Variants in ABCB10 observed in about 807,000 individuals in gnomAD.
The protein encoded by ABCB10 is ATP binding cassette subfamily B member 10.
In ABCB10, 54 loss-of-function variants were observed where a neutral mutation model predicts 65.4. That is an observed-to-expected ratio of 0.83 (90% CI 0.66 to 1.04). ABCB10 has a LOEUF of 1.04. Ranked by LOEUF, ABCB10 falls within the 50% of genes least tolerant of loss-of-function variation. ABCB10 has a pLI of 0.00. For synonymous variants in ABCB10, 418 were observed against 406.5 expected, an observed-to-expected ratio of 1.03 and a Z score of -0.34; for missense variants, 846 against 976.6, an observed-to-expected ratio of 0.87 and a Z score of 1.78.
intron 7 of ABCB10, 78 bp from the exon 8 acceptor site, chr1:229,530,486 C>CCATAGCCAGA: frequency 2.0e-6 from 3 of 1,484,914 alleles, no homozygotes; most frequent in Non-Finnish European, 2.8e-6. Flanking sequence ...TCCTACTCAT[C>CCATAGCCAGA]TGGCTATGGA....
chr1:229,547,459 C>A (rs1254805105), intron 3 of ABCB10, 40 bp downstream of exon 3: 2 of 1,607,750 alleles, frequency 1.2e-6, no homozygotes, highest in East Asian at 2.2e-5. Flanking sequence ...GCAAGCCAAG[C>A]CCTGGCAGGA....
intron 6 of ABCB10, among the ~76,000 whole-genome samples, chr1:229,535,588 C>A (rs1662701081): frequency 6.6e-6 from 1 of 152,168 alleles, no homozygotes; most frequent in African/African-American, 2.4e-5. Flanking sequence ...ATCTTTGAGG[C>A]AGTAAAACTA....
At position 229,531,700 on chromosome 1, in the gene ABCB10, T is replaced by C. The variant is rs1235113906; in HGVS notation, c.1371A>G (p.Lys457=). 14 of 1,613,796 alleles carry C rather than the reference T, an allele frequency of 8.7e-6. No individual in the cohort carries two copies. The highest frequency in any genetic ancestry group is 1.2e-5 in the Non-Finnish European group (14 of 1,179,844). The change falls in exon 7 of 13, where the codon AAA becomes AAG. Residue 457 remains lysine (K), a synonymous_variant. Transcript: ENST00000344517. ...GLSSFYSELM[K]GLGAGGRLWE... ...AGAGGCGCCCCCCTGCACCCAGTCC[T>C]TTCATCAGCTCCGAGTAGAAAGAGC...
intron 9 of ABCB10, among the ~76,000 whole-genome samples, chr1:229,526,428 TC>T (rs1338770690): frequency 6.6e-6 from 1 of 152,230 alleles, no homozygotes; most frequent in African/African-American, 2.4e-5. Context: ...TCCATCTCCA[TC>T]CATTACTTTT....
intron 1 of ABCB10, among the ~76,000 whole-genome samples, chr1:229,553,213 C>T (rs896628972): frequency 3.3e-5 from 5 of 152,056 alleles, no homozygotes; most frequent in African/African-American, 1.2e-4. Flanking sequence ...CAGGTTCAAG[C>T]GATTCTCCCG....
chr1:229,542,891 G>A (rs1387759921), intron 3 of ABCB10, among the ~76,000 whole-genome samples: 1 of 152,080 alleles, frequency 6.6e-6, no homozygotes, highest in African/African-American at 2.4e-5. Context: ...AGTACTTTGG[G>A]AGGCCGAGGC....
At chr1:229,534,158 T>C (rs567798893) in intron 6 of ABCB10, among the ~76,000 whole-genome samples, 1 of 152,114 alleles carries the variant, frequency 6.6e-6, no homozygotes, top group South Asian at 2.1e-4. Context: ...AGAGAGCAAA[T>C]AAGCATATGA....
At chr1:229,538,165 G>A (rs982714074) in intron 6 of ABCB10, among the ~76,000 whole-genome samples, 8 of 152,190 alleles carry the variant, frequency 5.3e-5, no homozygotes, top group African/African-American at 1.7e-4. Context: ...GATTAGAACT[G>A]TGTTTTCCAA....
intron 1 of ABCB10, among the ~76,000 whole-genome samples, chr1:229,556,820 G>C (rs562639360): frequency 6.6e-6 from 1 of 152,190 alleles, no homozygotes; most frequent in Non-Finnish European, 1.5e-5. Flanking sequence ...CTGGTGGTAT[G>C]GTCATTTATT....
chr1:229,537,798 TAAACAAAC>T (rs199948647), intron 6 of ABCB10, among the ~76,000 whole-genome samples: 28 of 150,828 alleles, frequency 1.9e-4, no homozygotes, highest in South Asian at 4.1e-4. Flanking sequence ...TCCAAATAAA[TAAACAAAC>T]AAACAAACAA....
At chr1:229,549,514 C>A (rs1663055988) in intron 1 of ABCB10, 80 bp from the exon 2 acceptor site, 1 of 1,345,106 alleles carries the variant, frequency 7.4e-7, no homozygotes, top group East Asian at 2.5e-5. Context: ...GCTTCCTTGC[C>A]AAATAAGCTG....
At chr1:229,536,113 C>T (rs1055260946) in intron 6 of ABCB10, among the ~76,000 whole-genome samples, 4 of 152,034 alleles carry the variant, frequency 2.6e-5, no homozygotes, top group Non-Finnish European at 5.9e-5. Context: ...GGTATACACC[C>T]CTATCTCCAC....
chr1:229,548,201 G>A (rs1249750670), intron 2 of ABCB10, among the ~76,000 whole-genome samples: 1 of 151,896 alleles, frequency 6.6e-6, no homozygotes, highest in Non-Finnish European at 1.5e-5. Context: ...ACGGAGTCTT[G>A]CTATGTAGCT....
intron 6 of ABCB10, among the ~76,000 whole-genome samples, chr1:229,535,548 G>C (rs903364680): frequency 2.0e-5 from 3 of 152,218 alleles, no homozygotes; most frequent in African/African-American, 7.2e-5. Context: ...GTAGGTTGCA[G>C]AAGGGTGATG....
chr1:229,550,130 T>C (rs1202153744), intron 1 of ABCB10: 1 of 152,292 alleles, frequency 6.6e-6, no homozygotes, highest in African/African-American at 2.4e-5. Context: ...TTCTTAATAT[T>C]GTATTATTGC....
chr1:229,531,767 TCACTGG>T (rs752330704), intron 6 of ABCB10, 36 bp from the exon 7 acceptor site: 10 of 1,558,224 alleles, frequency 6.4e-6, no homozygotes, highest in Admixed American at 5.0e-5. Context: ...CACATGTCCA[TCACTGG>T]CACTGGCACT....
intron 3 of ABCB10, among the ~76,000 whole-genome samples, chr1:229,543,127 T>C (rs7552320): frequency 1.8e-3 from 204 of 111,738 alleles, no homozygotes; most frequent in African/African-American, 6.0e-3. Context: ...CAAAACTCCA[T>C]CTCAAAAAAA....
At position 229,558,423 on chromosome 1, in the gene ABCB10, G is replaced by A. The variant is rs1461300862; in HGVS notation, c.230C>T (p.Pro77Leu). ...GCCCAGGACGCCCCGCGAGGCGCCC[G>A]GACCCCCGCCCCGGCAGCCGCTCCT... The part of the protein sequence containing the change: ...RWRSGCRGGG[P>L]GASRGVLGLA... The change falls in exon 1 of 13, where the codon CCG becomes CTG. Residue 77 changes from proline (P) to leucine (L), a missense_variant. Pro to Leu is a moderately conservative substitution (Grantham distance 98). Around this residue, in one of 2 missense-constraint regions of ABCB10, gnomAD observed 214 missense variants for 173.5 expected, o/e 1.23. Transcript: ENST00000344517. The A allele has an allele frequency of 1.7e-6, 2 of 1,205,390 alleles. No homozygotes were observed. Among genetic ancestry groups the A allele is most frequent in the Non-Finnish European group, 2.1e-6 (2 of 973,802 alleles). The allele number at this position is 1,205,390 out of a possible 1,614,324, so 74.7% of individuals were successfully genotyped here. A position where few individuals can be genotyped will look rare whatever the true frequency, so the allele number is the denominator to read the frequency against.
rs1220752342 is a variant in ABCB10 at position 229,558,673 on chromosome 1, C to A, written c.-21G>T. 3.1e-6 allele frequency: 4 copies of A among 1,270,670 alleles called. No homozygotes were observed. The highest frequency in any genetic ancestry group is 3.4e-5 in the East Asian group (1 of 29,696). 78.7% of individuals were successfully genotyped at this position (1,270,670 alleles called of 1,614,324 possible). A position where few individuals can be genotyped will look rare whatever the true frequency, so the allele number is the denominator to read the frequency against. Reference sequence around the variant, plus strand: ...CGCATGGCGCTGCGTGCGACCCGTACGCCTCAGCCCGCCGGCCAGGCGCGC... The same window carrying A: ...CGCATGGCGCTGCGTGCGACCCGTAAGCCTCAGCCCGCCGGCCAGGCGCGC... On this transcript the variant is annotated 5_prime_UTR_variant, in exon 1 of 13. Transcript: ENST00000344517.
Sources: gnomAD v4.1 joint callset for allele counts (sites outside exome capture counted in the v4.1 genomes callset) on GRCh38, gnomAD v4.1.1 for gene constraint, gnomAD v4.1.1 regional missense constraint, MANE v1.5 for transcripts, NCBI Gene and HGNC (gene_info 2026-07-23, HGNC 2026-07-21) for gene names.